The following SLC2A12 variants were observed in gnomAD, a reference collection of about 807,000 sequenced individuals.
SLC2A12 encodes solute carrier family 2, facilitated glucose transporter member 12.
A neutral mutation model predicts 41.8 loss-of-function variants in SLC2A12; 23 were observed. The observed-to-expected ratio is 0.55, with a 90% CI of 0.40 to 0.78. SLC2A12 has a LOEUF of 0.78. SLC2A12 is among the 30% of genes least tolerant of loss of function. The pLI is 0.00. For synonymous variants in SLC2A12, 295 were observed against 285.9 expected, an observed-to-expected ratio of 1.03 and a Z score of -0.32; for missense variants, 654 against 745.6, an observed-to-expected ratio of 0.88 and a Z score of 1.43.
At chr6:134,005,544 C>T (rs1315754930) in intron 3 of SLC2A12, among the ~76,000 whole-genome samples, 5 of 151,432 alleles carry the variant, frequency 3.3e-5, no homozygotes, top group African/African-American at 1.2e-4. Context: ...CCTGTAGTCC[C>T]AGCTACTTGG....
chr6:134,052,078 C>A (rs1426115065), intron 1 of SLC2A12, among the ~76,000 whole-genome samples: 1 of 152,148 alleles, frequency 6.6e-6, no homozygotes, highest in African/African-American at 2.4e-5. Context: ...TAAACACAAT[C>A]AAGGGGACCC....
chr6:134,049,979 G>A (rs1773650976), intron 1 of SLC2A12, among the ~76,000 whole-genome samples: 1 of 152,214 alleles, frequency 6.6e-6, no homozygotes, highest in East Asian at 1.9e-4. Flanking sequence ...CAGACATATT[G>A]TGATAATTGT....
chr6:134,019,545 G>A (rs1223778263), intron 2 of SLC2A12, among the ~76,000 whole-genome samples: 2 of 152,184 alleles, frequency 1.3e-5, no homozygotes, highest in Non-Finnish European at 2.9e-5. Flanking sequence ...TGAAAGATAA[G>A]TTATGGACAA....
In SLC2A12 at chr6:133,988,216, G is replaced by A. The variant is rs1410817466; in HGVS notation, c.*2939C>T. ...AATGGAGTTAAAGAGTGACTATTCA[G>A]TATATGAGATTGCTACTCTTAAAGT... On this transcript the variant is annotated 3_prime_UTR_variant, in exon 5 of 5. Coordinates refer to ENST00000275230, the MANE Select transcript of SLC2A12 (RefSeq NM_145176.3). 6.6e-6 allele frequency: 1 copy of A among 152,152 alleles called. No homozygotes were observed. Among genetic ancestry groups the A allele is most frequent in the Non-Finnish European group, 1.5e-5 (1 of 68,012 alleles). 9.4% of individuals were successfully genotyped at this position (152,152 alleles called of 1,614,324 possible).
rs1382450964 is a variant in SLC2A12, at chr6:133,989,473, T to TATA, written c.*1679_*1681dup. On this transcript the variant is annotated 3_prime_UTR_variant, in exon 5 of 5. Coordinates refer to ENST00000275230, the MANE Select transcript of SLC2A12 (RefSeq NM_145176.3). ...GGCTAAACAAAAAATACCTGAAGTA[T>TATA]ATATAGAGTTTGAACTATAAACACG... is the stretch of plus-strand genomic sequence containing the variant. 6.6e-6 allele frequency: 1 copy of TATA among 152,166 alleles called. No homozygotes were observed. The highest frequency in any genetic ancestry group is 1.5e-5 in the Non-Finnish European group (1 of 68,034). 9.4% of individuals were successfully genotyped at this position (152,166 alleles called of 1,614,324 possible).
At chr6:134,005,965 G>A (rs1776808142) in intron 3 of SLC2A12, among the ~76,000 whole-genome samples, 1 of 151,904 alleles carries the variant, frequency 6.6e-6, no homozygotes, top group Admixed American at 6.6e-5. Flanking sequence ...GCGGTCAGGA[G>A]TTTAAGACCA....
intron 4 of SLC2A12, among the ~76,000 whole-genome samples, chr6:133,992,091 A>G (rs1256557080): frequency 6.6e-6 from 1 of 152,210 alleles, no homozygotes; most frequent in African/African-American, 2.4e-5. Flanking sequence ...AATCCCAGAG[A>G]CCTGAGAAGT....
rs1354533261 is a variant in SLC2A12, at chr6:133,989,325, TTTAG to T, written c.*1826_*1829del. The T allele has an allele frequency of 5.3e-5, 8 of 152,250 alleles. No homozygotes were observed. In the East Asian group the frequency reaches 5.8e-4, roughly 11 times the overall value. The allele number at this position is 152,250 out of a possible 1,614,324, so 9.4% of individuals were successfully genotyped here. On this transcript the variant is annotated 3_prime_UTR_variant, in exon 5 of 5. Transcript: ENST00000275230. ...GGATAAAAATTTGAAGACAAAATTG[TTTAG>T]TTACAGACTCAGGATAATAAAAGAA...
chr6:133,992,591 ATAAAC>A (rs1325773576), intron 4 of SLC2A12, among the ~76,000 whole-genome samples: 8 of 152,202 alleles, frequency 5.3e-5, no homozygotes, highest in Non-Finnish European at 1.0e-4. Flanking sequence ...CAGGGTTAAA[ATAAAC>A]TAAGAGTTGA....
At chr6:134,041,580 C>T (rs561914366) in intron 1 of SLC2A12, among the ~76,000 whole-genome samples, 1 of 130,294 alleles carries the variant, frequency 7.7e-6, no homozygotes, top group East Asian at 2.0e-4. Flanking sequence ...GAAATTCTGA[C>T]CCTCAGAGAA....
intron 4 of SLC2A12, among the ~76,000 whole-genome samples, chr6:133,997,670 C>G (rs975357342): frequency 3.3e-5 from 5 of 152,074 alleles, no homozygotes; most frequent in African/African-American, 1.2e-4. Flanking sequence ...TGGAGGTGGG[C>G]AAGGGCTAGA....
intron 1 of SLC2A12, among the ~76,000 whole-genome samples, chr6:134,040,737 C>T (rs1032462828): frequency 6.6e-6 from 1 of 152,218 alleles, no homozygotes; most frequent in African/African-American, 2.4e-5. Context: ...TTTCAAGAAG[C>T]AACCTGGAAG....
chr6:134,028,013 T>C (rs992988806), intron 2 of SLC2A12, among the ~76,000 whole-genome samples: 1 of 152,216 alleles, frequency 6.6e-6, no homozygotes, highest in Non-Finnish European at 1.5e-5. Context: ...TTTTTCCTTC[T>C]ACATAGGAAG....
intron 2 of SLC2A12, among the ~76,000 whole-genome samples, chr6:134,020,921 G>A (rs1043986972): frequency 2.6e-5 from 4 of 152,130 alleles, no homozygotes; most frequent in African/African-American, 7.2e-5. Context: ...CCATGTTGTA[G>A]CAAAAAGCAG....
Position 133,990,489 on chromosome 6 carries a change from T to C in SLC2A12, c.*666A>G, listed in dbSNP as rs1776605572. On this transcript the variant is annotated 3_prime_UTR_variant, in exon 5 of 5. Coordinates refer to ENST00000275230, the MANE Select transcript of SLC2A12 (RefSeq NM_145176.3). ...AAAAAATGCTCATTTTTCTCAACTATTGTGGAATTATTTTAATATTTCACA... is the reference window on the plus strand; with the variant it reads ...AAAAAATGCTCATTTTTCTCAACTACTGTGGAATTATTTTAATATTTCACA... The C allele has an allele frequency of 6.6e-6, 1 of 152,616 alleles. No homozygotes were observed. The highest frequency in any genetic ancestry group is 6.6e-5 in the Admixed American group (1 of 15,266). 9.5% of individuals were successfully genotyped at this position (152,616 alleles called of 1,614,324 possible). A position where few individuals can be genotyped will look rare whatever the true frequency, so the allele number is the denominator to read the frequency against.
intron 2 of SLC2A12, 35 bp downstream of exon 2, chr6:134,028,346 G>T: frequency 6.4e-7 from 1 of 1,559,026 alleles, no homozygotes; most frequent in Non-Finnish European, 8.7e-7. Context: ...GCTCTGACTG[G>T]TCAAAAGCAA....
At chr6:134,039,018 T>C (rs1301744589) in intron 1 of SLC2A12, among the ~76,000 whole-genome samples, 4 of 152,158 alleles carry the variant, frequency 2.6e-5, no homozygotes, top group Admixed American at 6.5e-5. Flanking sequence ...TTTCTTCCTT[T>C]CTTCAATTCA....
At position 134,029,039 on chromosome 6, in the gene SLC2A12, C is replaced by T; in HGVS notation, c.786G>A (p.Gln262=). The T allele has an allele frequency of 6.2e-7, 1 of 1,614,210 alleles. No homozygotes were observed. Among genetic ancestry groups the T allele is most frequent in the South Asian group, 1.1e-5 (1 of 91,086 alleles). Residue 262 remains glutamine, a synonymous_variant, in exon 2 of 5, where the codon CAG becomes CAA. Transcript: ENST00000275230. ...VIKSSLKDEY[Q]YSFWDLFRSK... Reference sequence around the variant, plus strand: ...AACGAAACAGATCCCAAAAACTGTACTGATATTCATCTTTCAGGGAGGATT... The same window carrying T: ...AACGAAACAGATCCCAAAAACTGTATTGATATTCATCTTTCAGGGAGGATT...
chr6:134,043,977 C>T (rs1180314518), intron 1 of SLC2A12, among the ~76,000 whole-genome samples: 2 of 152,084 alleles, frequency 1.3e-5, no homozygotes, highest in African/African-American at 4.8e-5. Context: ...CTGCTTTGAA[C>T]TCTGTGCTCC....
Sources: gnomAD v4.1 joint callset for allele counts (sites outside exome capture counted in the v4.1 genomes callset) on GRCh38, gnomAD v4.1.1 for gene constraint, MANE v1.5 for transcripts, NCBI Gene and HGNC (gene_info 2026-07-23, HGNC 2026-07-21) for gene names.